The following EDC3 variants were observed in gnomAD, a reference collection of about 807,000 sequenced individuals.
EDC3 encodes enhancer of mRNA decapping 3.
EDC3 carries 20 observed loss-of-function variants against 41.8 expected under a neutral mutation model. That is an observed-to-expected ratio of 0.48 (90% CI 0.34 to 0.70). The LOEUF is 0.70. Among genes scored for constraint, EDC3 ranks in the 30% least tolerant of loss-of-function variants. EDC3 has a pLI of 0.01. For synonymous variants in EDC3, 206 were observed against 243.2 expected (o/e 0.85, Z 1.42); for missense variants, 444 against 636.8 (o/e 0.70, Z 3.26).
At chr15:74,673,521 C>T (rs1267222328) in intron 2 of EDC3, among the ~76,000 whole-genome samples, 2 of 143,204 alleles carry the variant, frequency 1.4e-5, no homozygotes, top group Non-Finnish European at 3.0e-5. Flanking sequence ...GTGTCTGTCT[C>T]ATAATGGGAC....
chr15:74,668,839 A>G (rs374660706), intron 3 of EDC3, among the ~76,000 whole-genome samples: 29 of 152,244 alleles, frequency 1.9e-4, no homozygotes, highest in African/African-American at 6.0e-4. Context: ...TACAGAAGTC[A>G]CAACTGAATT....
chr15:74,646,742 T>C (rs1370502320), intron 4 of EDC3, among the ~76,000 whole-genome samples: 1 of 152,162 alleles, frequency 6.6e-6, no homozygotes, highest in Non-Finnish European at 1.5e-5. Flanking sequence ...CTGAGCTGTT[T>C]TATGCAGGAT....
At chr15:74,658,580 G>A (rs2062578394) in intron 3 of EDC3, among the ~76,000 whole-genome samples, 1 of 143,030 alleles carries the variant, frequency 7.0e-6, no homozygotes, top group Admixed American at 7.1e-5. Context: ...TTGTACTGGT[G>A]TGGAAAAAGT....
chr15:74,670,576 T>C (rs962241574), intron 3 of EDC3, among the ~76,000 whole-genome samples: 4 of 152,140 alleles, frequency 2.6e-5, no homozygotes, highest in African/African-American at 9.7e-5. Flanking sequence ...ATTACAGGCA[T>C]GCACCTCCAC....
At chr15:74,682,510 CG>C (rs1210496666) in intron 1 of EDC3, among the ~76,000 whole-genome samples, 1 of 146,452 alleles carries the variant, frequency 6.8e-6, no homozygotes, top group South Asian at 2.2e-4. Context: ...CCCAGCTACT[CG>C]GGAGGCTGAG....
In EDC3 at chr15:74,632,331, G is replaced by A. The variant is rs1005079220; in HGVS notation, c.*281C>T. Reference sequence around the variant, plus strand: ...AAACACAGTCTTGAGAGCTGCCTACGGCTGTAAACAAAGGCCCACCTGGCC... The same window carrying A: ...AAACACAGTCTTGAGAGCTGCCTACAGCTGTAAACAAAGGCCCACCTGGCC... On this transcript the variant is annotated 3_prime_UTR_variant, in exon 7 of 7. Transcript: ENST00000315127. The surrounding 1 kb of genome is among the most constrained non-coding windows in gnomAD (Gnocchi z 4.0). 1.3e-5 allele frequency: 6 copies of A among 479,896 alleles called. No homozygotes were observed. Among genetic ancestry groups the A allele is most frequent in the South Asian group, 2.3e-5 (1 of 42,870 alleles). 29.7% of individuals were successfully genotyped at this position (479,896 alleles called of 1,614,324 possible). A position where few individuals can be genotyped will look rare whatever the true frequency, so the allele number is the denominator to read the frequency against.
chr15:74,686,927 T>C (rs954886251), intron 1 of EDC3, among the ~76,000 whole-genome samples: 5 of 150,254 alleles, frequency 3.3e-5, no homozygotes, highest in Admixed American at 6.6e-5. Flanking sequence ...TCCCAGCTAC[T>C]CAGGAGGCTG....
intron 4 of EDC3, among the ~76,000 whole-genome samples, chr15:74,652,918 G>A (rs2062499125): frequency 6.6e-6 from 1 of 152,046 alleles, no homozygotes; most frequent in South Asian, 2.1e-4. Flanking sequence ...GGTGGCTGAC[G>A]CCTGTAATCC....
intron 1 of EDC3, among the ~76,000 whole-genome samples, chr15:74,675,372 G>A (rs1365922637): frequency 6.6e-5 from 10 of 151,020 alleles, no homozygotes; most frequent in South Asian, 4.2e-4. Flanking sequence ...GCTTTAAAGC[G>A]CATACATTGG....
chr15:74,693,164 C>A (rs941683046), intron 1 of EDC3: 1 of 152,200 alleles, frequency 6.6e-6, no homozygotes, highest in African/African-American at 2.4e-5. Flanking sequence ...GTGATGCAAC[C>A]TTTCTCATTC....
At chr15:74,668,762 G>GAAAGA (rs1293981487) in intron 3 of EDC3, among the ~76,000 whole-genome samples, 2 of 151,716 alleles carry the variant, frequency 1.3e-5, no homozygotes, top group Non-Finnish European at 2.9e-5. Context: ...AAGAAAGAAA[G>GAAAGA]AAAAAGGTTA....
chr15:74,687,336 G>C (rs1159833365), intron 1 of EDC3, among the ~76,000 whole-genome samples: 1 of 152,164 alleles, frequency 6.6e-6, no homozygotes, highest in Non-Finnish European at 1.5e-5. Context: ...AAGATTAAAA[G>C]AACAATGAAT....
intron 2 of EDC3, among the ~76,000 whole-genome samples, chr15:74,673,026 A>G (rs966750728): frequency 1.5e-4 from 23 of 152,096 alleles, no homozygotes; most frequent in Admixed American, 1.2e-3. Context: ...GACTGAGGAA[A>G]TGTAGAAAAT....
At chr15:74,649,834 C>T (rs2062459741) in intron 4 of EDC3, among the ~76,000 whole-genome samples, 2 of 144,476 alleles carry the variant, frequency 1.4e-5, no homozygotes, top group South Asian at 4.5e-4. Context: ...TGGGCTCAGG[C>T]ACAAAGCATT....
At chr15:74,683,511 A>G (rs2062898724) in intron 1 of EDC3, among the ~76,000 whole-genome samples, 1 of 152,222 alleles carries the variant, frequency 6.6e-6, no homozygotes, top group South Asian at 2.1e-4. Flanking sequence ...AGTGTACTCC[A>G]GCCTGGGCAA....
chr15:74,685,028 G>A (rs146559899), intron 1 of EDC3, among the ~76,000 whole-genome samples: 243 of 152,152 alleles, frequency 1.6e-3, no homozygotes, highest in Non-Finnish European at 2.9e-3. Context: ...GCTACTCATC[G>A]TTATTCTCCA....
intron 1 of EDC3, among the ~76,000 whole-genome samples, chr15:74,676,335 G>A (rs2062807043): frequency 6.6e-6 from 1 of 152,040 alleles, no homozygotes; most frequent in Admixed American, 6.6e-5. Flanking sequence ...TCCATCTTAA[G>A]TATTAGTAAA....
chr15:74,654,361 A>G (rs1596311836), intron 4 of EDC3, among the ~76,000 whole-genome samples: 1 of 152,236 alleles, frequency 6.6e-6, no homozygotes, highest in South Asian at 2.1e-4. Flanking sequence ...ATAGAGAGCT[A>G]GCAGCAGGAG....
chr15:74,671,909 T>C lies in EDC3; in HGVS notation c.165-135A>G, dbSNP rs1422620862. 1 of 850,408 alleles carries C rather than the reference T, an allele frequency of 1.2e-6. No individual in the cohort carries two copies. Among genetic ancestry groups the C allele is most frequent in the Non-Finnish European group, 1.8e-6 (1 of 549,896 alleles). 52.7% of individuals were successfully genotyped at this position (850,408 alleles called of 1,614,324 possible). On this transcript the variant is annotated intron_variant, in intron 2 of 6. Coordinates refer to ENST00000315127, the MANE Select transcript of EDC3 (RefSeq NM_025083.5). This position sits in a 1 kb window ranked among gnomAD's most constrained non-coding sequence, Gnocchi z 4.6. Reference sequence around the variant, plus strand: ...TATCAGAGGCTAGGAAAGGGGGCTGTGTGCTTAAGGACAGGGGTCAGCCAC... The same window carrying C: ...TATCAGAGGCTAGGAAAGGGGGCTGCGTGCTTAAGGACAGGGGTCAGCCAC...
Sources: gnomAD v4.1 joint callset for allele counts (sites outside exome capture counted in the v4.1 genomes callset) on GRCh38, gnomAD v4.1.1 for gene constraint, Gnocchi (gnomAD v3.1) non-coding constraint, MANE v1.5 for transcripts, NCBI Gene and HGNC (gene_info 2026-07-23, HGNC 2026-07-21) for gene names.